The following PTPRQ variants were observed in gnomAD, a reference collection of about 807,000 sequenced individuals.
PTPRQ encodes the protein phosphatidylinositol phosphatase PTPRQ.
PTPRQ carries 199 observed loss-of-function variants against 246.0 expected under a neutral mutation model. The observed-to-expected ratio is 0.81, with a 90% confidence interval of 0.72 to 0.91. PTPRQ has a LOEUF of 0.91. Among genes scored for constraint, PTPRQ ranks in the 40% least tolerant of loss-of-function variants. PTPRQ has a pLI of 0.00. For missense variants in PTPRQ, 2,624 were observed against 2,528.4 expected (o/e 1.04, Z -0.81); for synonymous variants, 869 against 853.2 (o/e 1.02, Z -0.32).
rs763243660 is a variant in PTPRQ at position 80,613,662 on chromosome 12, G to T, written c.4989G>T (p.Thr1663=). 8.4e-6 allele frequency: 13 copies of T among 1,544,904 alleles called. No individual in the cohort carries two copies. Among genetic ancestry groups the T allele is most frequent in the Admixed American group, 2.0e-5 (1 of 50,622 alleles). Residue 1663 remains threonine (T), a synonymous_variant, in exon 29 of 45, where the codon ACG becomes ACT. Coordinates refer to ENST00000644991, the MANE Select transcript of PTPRQ (RefSeq NM_001145026.2). ...ATGAAGTTACAAAATTTCAATTAAC[G>T]TTCCTTCCTCCTTCTCAACCTAATG... ...IPDEVTKFQL[T]FLPPSQPNGN...
At chr12:80,624,793 T>A (rs1031693766) in intron 33 of PTPRQ, among the ~76,000 whole-genome samples, 3 of 152,134 alleles carry the variant, frequency 2.0e-5, no homozygotes, top group Non-Finnish European at 4.4e-5. Flanking sequence ...ACGCTGTAGA[T>A]CAGGGGTGTC....
At chr12:80,450,262 T>C (rs1892710071) in intron 3 of PTPRQ, among the ~76,000 whole-genome samples, 1 of 152,204 alleles carries the variant, frequency 6.6e-6, no homozygotes. Flanking sequence ...GCCTATCAGC[T>C]TAAGGAGATT....
intron 29 of PTPRQ, among the ~76,000 whole-genome samples, chr12:80,615,061 C>T (rs1469924349): frequency 2.0e-5 from 3 of 150,962 alleles, no homozygotes; most frequent in Admixed American, 6.6e-5. Context: ...ACAAGGTGTG[C>T]GAATGACTTC....
At chr12:80,654,850 A>G (rs892484505) in intron 38 of PTPRQ, among the ~76,000 whole-genome samples, 1 of 151,904 alleles carries the variant, frequency 6.6e-6, no homozygotes, top group Non-Finnish European at 1.5e-5. Flanking sequence ...ACAGAGCGAG[A>G]CTCTATCTCA....
intron 25 of PTPRQ, among the ~76,000 whole-genome samples, chr12:80,581,663 A>G (rs1897439607): frequency 6.6e-6 from 1 of 152,154 alleles, no homozygotes; most frequent in Admixed American, 6.5e-5. Flanking sequence ...ATTTCCACAT[A>G]ATAAAAACGA....
At chr12:80,619,267 T>C (rs1156758291) in intron 30 of PTPRQ, 117 bp from the exon 31 acceptor site, 23 of 1,185,746 alleles carry the variant, frequency 1.9e-5, no homozygotes, top group Admixed American at 2.7e-5. Context: ...CTATAATTTG[T>C]TATTTATGTT....
At chr12:80,517,631 A>G (rs1383942647) in intron 17 of PTPRQ, among the ~76,000 whole-genome samples, 1 of 151,612 alleles carries the variant, frequency 6.6e-6, no homozygotes, top group Non-Finnish European at 1.5e-5. Flanking sequence ...CCCATTAACC[A>G]TCCCCACTTT....
intron 33 of PTPRQ, among the ~76,000 whole-genome samples, chr12:80,625,600 A>G (rs541049203): frequency 1.3e-5 from 2 of 152,258 alleles, no homozygotes; most frequent in Admixed American, 1.3e-4. Flanking sequence ...AAAAATGTTT[A>G]AGTTTAGTGA....
Position 80,673,250 on chromosome 12 carries a change from A to G in PTPRQ, c.6684A>G (p.Ile2228Met). ...TAAATGACCATGATTTTGTGGATAT[A>G]TATGGACTAGTAGCTGAACTGAGAA... ...QHINDHDFVDIYGLVAELRSE... is the reference protein window; with the variant it reads ...QHINDHDFVDMYGLVAELRSE... Residue 2228 changes from isoleucine (I) to methionine (M), a missense_variant, in exon 43 of 45, where the codon ATA becomes ATG. Ile to Met is a conservative substitution (Grantham distance 10). Transcript: ENST00000644991. The G allele has an allele frequency of 6.4e-7, 1 of 1,550,858 alleles. No homozygotes were observed. The highest frequency in any genetic ancestry group is 8.7e-7 in the Non-Finnish European group (1 of 1,146,430).
chr12:80,611,313 A>T (rs1420231849), intron 28 of PTPRQ, among the ~76,000 whole-genome samples: 1 of 150,426 alleles, frequency 6.6e-6, no homozygotes, highest in Non-Finnish European at 1.5e-5. Context: ...TCATTGGAAA[A>T]AGCAGATGAA....
At chr12:80,671,073 A>G (rs1017401793) in intron 42 of PTPRQ, among the ~76,000 whole-genome samples, 3 of 152,088 alleles carry the variant, frequency 2.0e-5, no homozygotes, top group Non-Finnish European at 4.4e-5. Flanking sequence ...TACTGTACAT[A>G]AGAAAAGATA....
At chr12:80,630,106 C>T (rs370456311) in intron 33 of PTPRQ, among the ~76,000 whole-genome samples, 25 of 152,064 alleles carry the variant, frequency 1.6e-4, no homozygotes, top group East Asian at 5.8e-4. Flanking sequence ...CTTGTATATA[C>T]GTTTTCAAAT....
chr12:80,454,299 A>G (rs1892889230), intron 3 of PTPRQ, among the ~76,000 whole-genome samples: 1 of 149,962 alleles, frequency 6.7e-6, no homozygotes, highest in Non-Finnish European at 1.5e-5. Flanking sequence ...AGGAAAGGGA[A>G]CTCCCTGACC....
At chr12:80,620,502 T>G in intron 32 of PTPRQ, 126 bp downstream of exon 32, 2 of 1,324,188 alleles carry the variant, frequency 1.5e-6, no homozygotes, top group Non-Finnish European at 2.0e-6. Flanking sequence ...AGTGACCTGA[T>G]TTTTCTGGCA....
At chr12:80,672,491 G>T (rs1033190208) in intron 42 of PTPRQ, among the ~76,000 whole-genome samples, 1 of 151,450 alleles carries the variant, frequency 6.6e-6, no homozygotes, top group Non-Finnish European at 1.5e-5. Context: ...AATTTTTTTC[G>T]ATTAACTTCC....
chr12:80,468,905 A>G, intron 7 of PTPRQ, 67 bp downstream of exon 7: 3 of 1,508,714 alleles, frequency 2.0e-6, no homozygotes, highest in Non-Finnish European at 2.7e-6. Context: ...ACCAATATCA[A>G]ACTCTGTTTA....
At chr12:80,472,015 T>G in intron 7 of PTPRQ, 90 bp from the exon 8 acceptor site, 1 of 1,480,210 alleles carries the variant, frequency 6.8e-7, no homozygotes, top group Non-Finnish European at 9.0e-7. Flanking sequence ...GGTTAACACT[T>G]GAATTGTTGT....
chr12:80,541,284 A>G (rs1038703767), intron 20 of PTPRQ, among the ~76,000 whole-genome samples: 1 of 151,930 alleles, frequency 6.6e-6, no homozygotes, highest in Non-Finnish European at 1.5e-5. Flanking sequence ...CACACACACA[A>G]TCTCCACATA....
intron 14 of PTPRQ, among the ~76,000 whole-genome samples, chr12:80,502,677 A>G (rs910182334): frequency 1.3e-4 from 20 of 151,850 alleles, no homozygotes; most frequent in Non-Finnish European, 1.0e-4. Context: ...CACAGTGAAG[A>G]TTTGATGAGG....
Sources: gnomAD v4.1 joint callset for allele counts (sites outside exome capture counted in the v4.1 genomes callset) on GRCh38, gnomAD v4.1.1 for gene constraint, MANE v1.5 for transcripts, NCBI Gene and HGNC (gene_info 2026-07-23, HGNC 2026-07-21) for gene names.